RUNDC3B: variants seen among roughly 807,000 people sequenced by gnomAD.
The protein encoded by RUNDC3B is RUN domain-containing protein 3B.
RUNDC3B carries 33 observed loss-of-function variants against 58.4 expected under a neutral mutation model. That is an observed-to-expected ratio of 0.56 (90% CI 0.43 to 0.75). The LOEUF is 0.75. Among genes scored for constraint, RUNDC3B ranks in the 30% least tolerant of loss-of-function variants. The pLI, the probability that RUNDC3B is intolerant of heterozygous loss-of-function variation, is 0.00. For missense variants in RUNDC3B, 501 were observed against 535.7 expected, an observed-to-expected ratio of 0.94 and a Z score of 0.64; for synonymous variants, 193 against 195.2, an observed-to-expected ratio of 0.99 and a Z score of 0.10.
At chr7:87,741,951 AT>A (rs1287007535) in intron 6 of RUNDC3B, among the ~76,000 whole-genome samples, 2 of 152,222 alleles carry the variant, frequency 1.3e-5, no homozygotes, top group Non-Finnish European at 2.9e-5. Context: ...GATAAATAAC[AT>A]TTTATGCATA....
At chr7:87,700,841 T>G (rs556730329) in intron 3 of RUNDC3B, among the ~76,000 whole-genome samples, 1 of 152,348 alleles carries the variant, frequency 6.6e-6, no homozygotes, top group Non-Finnish European at 1.5e-5. Flanking sequence ...TTCGCTGTGT[T>G]GATATTTGCA....
Position 87,741,519 on chromosome 7 carries a change from G to T in RUNDC3B, c.569G>T (p.Gly190Val). 1 of 1,576,826 alleles carries T rather than the reference G, an allele frequency of 6.3e-7. No individual in the cohort carries two copies. Among genetic ancestry groups the T allele is most frequent in the South Asian group, 1.1e-5 (1 of 88,328 alleles). ...IDFSFCLKGE[G>V]LDGSFPAVID... ...CTTAGTTTCTGCCTAAAGGGAGAGG[G>T]GCTGGATGGCAGTTTTCCTGCTGTA... The change falls in exon 6 of 11, where the codon GGG becomes GTG. Residue 190 changes from glycine to valine, a missense_variant. Coordinates refer to ENST00000394654, the MANE Select transcript of RUNDC3B (RefSeq NM_001134405.2).
In RUNDC3B at chr7:87,826,272, C is replaced by G. The variant is rs187289081; in HGVS notation, c.1226-3613C>G. Among the ~76,000 whole-genome samples the G allele has an allele frequency of 1.5e-3, 226 of 152,182 alleles. 1 individual carries two copies. The highest frequency in any genetic ancestry group is 0.01 in the Middle Eastern group (3 of 294). ...TTCTCATGATAGTGAATGAGTCTCACGAAATCTGATGGTTTTCAAAAGGGG... is the reference window on the plus strand; with the variant it reads ...TTCTCATGATAGTGAATGAGTCTCAGGAAATCTGATGGTTTTCAAAAGGGG... On this transcript the variant is annotated intron_variant, in intron 10 of 10. Coordinates refer to ENST00000394654, the MANE Select transcript of RUNDC3B (RefSeq NM_001134405.2).
At chr7:87,727,245 A>G (rs150062840) in intron 4 of RUNDC3B, among the ~76,000 whole-genome samples, 45 of 152,222 alleles carry the variant, frequency 3.0e-4, no homozygotes, top group Middle Eastern at 3.4e-3. Flanking sequence ...ATCTCTTATT[A>G]TTTTGAGTTA....
intron 2 of RUNDC3B, among the ~76,000 whole-genome samples, chr7:87,688,053 G>C (rs886320623): frequency 6.6e-6 from 1 of 152,112 alleles, no homozygotes; most frequent in Non-Finnish European, 1.5e-5. Context: ...TGATACCAGA[G>C]ATAAGAAATT....
intron 10 of RUNDC3B, among the ~76,000 whole-genome samples, chr7:87,824,795 C>T (rs1837707644): frequency 1.3e-5 from 2 of 152,132 alleles, no homozygotes; most frequent in African/African-American, 2.4e-5. Context: ...GCAAAGGTGA[C>T]TCTTGTTATA....
chr7:87,696,961 G>A (rs767870217), intron 2 of RUNDC3B, among the ~76,000 whole-genome samples: 5 of 152,072 alleles, frequency 3.3e-5, no homozygotes, highest in Non-Finnish European at 5.9e-5. Flanking sequence ...TTCTGTCTCT[G>A]TTTTCTCTCC....
chr7:87,745,590 T>C (rs1267861091), intron 6 of RUNDC3B, among the ~76,000 whole-genome samples: 1 of 152,206 alleles, frequency 6.6e-6, no homozygotes, highest in Non-Finnish European at 1.5e-5. Flanking sequence ...GTTTTCTAGT[T>C]TATATGCATA....
At chr7:87,682,829 A>C (rs1827058584) in intron 2 of RUNDC3B, among the ~76,000 whole-genome samples, 1 of 152,220 alleles carries the variant, frequency 6.6e-6, no homozygotes, top group Non-Finnish European at 1.5e-5. Context: ...GTTAGCCCCT[A>C]ATAAGAGAGT....
chr7:87,718,514 A>C (rs1830690538), intron 4 of RUNDC3B, among the ~76,000 whole-genome samples: 1 of 152,136 alleles, frequency 6.6e-6, no homozygotes, highest in Non-Finnish European at 1.5e-5. Context: ...AGCCAAGCCT[A>C]ATCTTTTAAT....
chr7:87,681,152 A>C (rs1826892498), intron 2 of RUNDC3B, among the ~76,000 whole-genome samples: 1 of 150,626 alleles, frequency 6.6e-6, no homozygotes, highest in South Asian at 2.1e-4. Flanking sequence ...TAGATAACAC[A>C]AATAGTCCTA....
At chr7:87,688,491 T>C (rs1280525556) in intron 2 of RUNDC3B, among the ~76,000 whole-genome samples, 1 of 151,968 alleles carries the variant, frequency 6.6e-6, no homozygotes, top group African/African-American at 2.4e-5. Flanking sequence ...TTTGCCTATT[T>C]CTTCTGTGGA....
chr7:87,745,265 G>T (rs1482026008), intron 6 of RUNDC3B, among the ~76,000 whole-genome samples: 1 of 152,116 alleles, frequency 6.6e-6, no homozygotes, highest in South Asian at 2.1e-4. Flanking sequence ...CAAGAATATA[G>T]GTCTGTAGTT....
At chr7:87,662,103 G>T (rs1408946791) in intron 2 of RUNDC3B, among the ~76,000 whole-genome samples, 1 of 151,806 alleles carries the variant, frequency 6.6e-6, no homozygotes, top group Non-Finnish European at 1.5e-5. Context: ...TTAATTATTA[G>T]TTTTTTCCTG....
At chr7:87,763,409 CTTATA>C (rs1319337984) in intron 6 of RUNDC3B, among the ~76,000 whole-genome samples, 6 of 151,476 alleles carry the variant, frequency 4.0e-5, no homozygotes, top group Non-Finnish European at 5.9e-5. Flanking sequence ...TTTACTTTTT[CTTATA>C]TTATAACCAT....
chr7:87,668,458 T>C lies in RUNDC3B; in HGVS notation c.238+17521T>C, dbSNP rs527804181. Among the ~76,000 whole-genome samples the C allele has an allele frequency of 3.9e-5, 6 of 152,112 alleles. No homozygotes were observed. The South Asian group carries it at 8.3e-4, about 21-fold the overall frequency. On this transcript the variant is annotated intron_variant, in intron 2 of 10. Coordinates refer to ENST00000394654, the MANE Select transcript of RUNDC3B (RefSeq NM_001134405.2). ...GCCCTTGGATTAATTGATCTTTTGA[T>C]TGTTTTTTTTGTGTCTCAGTTTCCT...
intron 7 of RUNDC3B, among the ~76,000 whole-genome samples, chr7:87,772,873 A>G (rs1834357397): frequency 6.6e-6 from 1 of 152,106 alleles, no homozygotes; most frequent in Non-Finnish European, 1.5e-5. Context: ...GATAAGAGAG[A>G]CACATAACAC....
intron 6 of RUNDC3B, among the ~76,000 whole-genome samples, chr7:87,762,387 A>G (rs549991745): frequency 6.8e-4 from 103 of 151,562 alleles, no homozygotes; most frequent in Middle Eastern, 3.4e-3. Flanking sequence ...TACAGTTTTT[A>G]CATCCATATG....
chr7:87,690,984 C>T lies in RUNDC3B; in HGVS notation c.239-9437C>T, dbSNP rs150854909. 2.5e-3 allele frequency among the ~76,000 whole-genome samples: 374 copies of T among 152,032 alleles called. 5 individuals are homozygous for T. Among genetic ancestry groups the T allele is most frequent in the Middle Eastern group, 0.017 (5 of 294 alleles). ...AAATATAGCAAAAGCTAAAGGTTTACTTTTTGCATAAGTGTTAAAATTCAT... is the reference window on the plus strand; with the variant it reads ...AAATATAGCAAAAGCTAAAGGTTTATTTTTTGCATAAGTGTTAAAATTCAT... On this transcript the variant is annotated intron_variant, in intron 2 of 10. Coordinates refer to ENST00000394654, the MANE Select transcript of RUNDC3B (RefSeq NM_001134405.2).
Sources: gnomAD v4.1 joint callset for allele counts (sites outside exome capture counted in the v4.1 genomes callset) on GRCh38, gnomAD v4.1.1 for gene constraint, MANE v1.5 for transcripts, NCBI Gene and HGNC (gene_info 2026-07-23, HGNC 2026-07-21) for gene names.